Variants in CNBD1 observed in about 807,000 individuals in gnomAD.
CNBD1 encodes cyclic nucleotide-binding domain-containing protein 1.
Under a neutral mutation model 54.4 loss-of-function variants are expected in CNBD1, and 71 were observed. That is an observed-to-expected ratio of 1.30 (90% CI 1.08 to 1.59). CNBD1 has a LOEUF of 1.59. Ranked by LOEUF, CNBD1 falls within the 40% of genes most tolerant of loss-of-function variation. The probability of loss-of-function intolerance (pLI) is 0.00; values close to 1 mark genes in which losing one functional copy is unlikely to be tolerated. For synonymous variants in CNBD1, 182 were observed against 170.7 expected, an observed-to-expected ratio of 1.07 and a Z score of -0.51; for missense variants, 659 against 518.0, an observed-to-expected ratio of 1.27 and a Z score of -2.64.
chr8:86,930,368 G>A (rs1809436408), intron 3 of CNBD1, among the ~76,000 whole-genome samples: 1 of 152,150 alleles, frequency 6.6e-6, no homozygotes, highest in African/African-American at 2.4e-5. Context: ...TAGCCTGCTG[G>A]CAGGAGGCTT....
chr8:86,986,642 T>G (rs1808613905), intron 4 of CNBD1, among the ~76,000 whole-genome samples: 1 of 152,242 alleles, frequency 6.6e-6, no homozygotes, highest in African/African-American at 2.4e-5. Context: ...TTTTATAGTT[T>G]GAGGTATTAC....
intron 4 of CNBD1, among the ~76,000 whole-genome samples, chr8:87,133,464 G>T (rs1812162574): frequency 6.6e-6 from 1 of 152,160 alleles, no homozygotes; most frequent in Admixed American, 6.5e-5. Flanking sequence ...ATGTGTATCA[G>T]TCAGTTTGAG....
At chr8:87,341,903 A>G (rs1332338764) in intron 8 of CNBD1, among the ~76,000 whole-genome samples, 2 of 151,282 alleles carry the variant, frequency 1.3e-5, no homozygotes, top group Non-Finnish European at 2.9e-5. Context: ...TACGAAACAG[A>G]CTAAGAATCT....
At chr8:87,000,274 C>T (rs1007306366) in intron 4 of CNBD1, among the ~76,000 whole-genome samples, 4 of 152,216 alleles carry the variant, frequency 2.6e-5, no homozygotes, top group Admixed American at 6.5e-5. Flanking sequence ...TGTTCTTGTA[C>T]ACTCTCTGTA....
intron 5 of CNBD1, among the ~76,000 whole-genome samples, chr8:87,214,813 G>A (rs1025102588): frequency 1.3e-5 from 2 of 152,124 alleles, no homozygotes; most frequent in Admixed American, 6.5e-5. Context: ...GTCAGCTCTT[G>A]TGAGACTTAC....
chr8:87,296,081 A>G (rs1433989743), intron 8 of CNBD1, among the ~76,000 whole-genome samples: 1 of 152,112 alleles, frequency 6.6e-6, no homozygotes, highest in East Asian at 1.9e-4. Flanking sequence ...GACATTCTAT[A>G]ATAAGTACAT....
chr8:87,348,568 A>T (rs978586364), intron 8 of CNBD1, among the ~76,000 whole-genome samples: 1 of 152,186 alleles, frequency 6.6e-6, no homozygotes, highest in Non-Finnish European at 1.5e-5. Flanking sequence ...CATTCAGCTA[A>T]TGGATGTCGT....
At chr8:87,140,900 C>T (rs1412083875) in intron 4 of CNBD1, among the ~76,000 whole-genome samples, 1 of 152,132 alleles carries the variant, frequency 6.6e-6, no homozygotes, top group Non-Finnish European at 1.5e-5. Context: ...AGTCCCTTGT[C>T]TTTCCATCAT....
chr8:87,241,107 T>G (rs1215046292), intron 6 of CNBD1, among the ~76,000 whole-genome samples: 1 of 152,088 alleles, frequency 6.6e-6, no homozygotes, highest in East Asian at 1.9e-4. Flanking sequence ...ATGAAGCAGG[T>G]ATCTTTCAAT....
intron 8 of CNBD1, among the ~76,000 whole-genome samples, chr8:87,347,177 G>T (rs543336072): frequency 4.6e-5 from 7 of 152,154 alleles, no homozygotes; most frequent in South Asian, 2.1e-4. Context: ...AATGTTTTTT[G>T]ATAAATTCTG....
chr8:87,181,433 T>A (rs2130777729), intron 4 of CNBD1, among the ~76,000 whole-genome samples: 1 of 152,320 alleles, frequency 6.6e-6, no homozygotes, highest in Admixed American at 6.5e-5. Flanking sequence ...CTGCAAATTA[T>A]CTGTCTTCTT....
intron 10 of CNBD1, among the ~76,000 whole-genome samples, chr8:87,366,556 T>G (rs1199131962): frequency 6.6e-6 from 1 of 152,082 alleles, no homozygotes; most frequent in Non-Finnish European, 1.5e-5. Flanking sequence ...ACCTGCCTAT[T>G]TTAAGGTTAA....
chr8:87,386,384 G>C (rs1377922157), downstream of CNBD1, among the ~76,000 whole-genome samples: 3 of 151,970 alleles, frequency 2.0e-5, no homozygotes, highest in African/African-American at 4.8e-5. Context: ...TAGATGAATG[G>C]CTAACGAGAA....
chr8:86,975,857 G>C (rs766688299), intron 4 of CNBD1, among the ~76,000 whole-genome samples: 8 of 151,912 alleles, frequency 5.3e-5, no homozygotes, highest in Non-Finnish European at 7.4e-5. Context: ...AACGTACAAG[G>C]AGTTCTCTTT....
chr8:87,135,377 T>C (rs1246581585), intron 4 of CNBD1, among the ~76,000 whole-genome samples: 1 of 151,728 alleles, frequency 6.6e-6, no homozygotes, highest in Non-Finnish European at 1.5e-5. Context: ...TCTTCAAAAA[T>C]AAACCTCAAA....
At position 86,992,487 on chromosome 8, in the gene CNBD1, T is replaced by C. The variant is rs555803532; in HGVS notation, c.431+52733T>C. On this transcript the variant is annotated intron_variant, in intron 4 of 10. Transcript: ENST00000518476. ...TTTTCATTCAGAGTTAGTATTGATA[T>C]ACGAAATTTTGATCCTATCATCATG... 5.9e-5 allele frequency among the ~76,000 whole-genome samples: 9 copies of C among 152,250 alleles called. No individual in the cohort carries two copies. In the South Asian group the frequency reaches 1.9e-3, roughly 32 times the overall value.
chr8:87,060,258 G>T (rs1463257562), intron 4 of CNBD1, among the ~76,000 whole-genome samples: 2 of 152,040 alleles, frequency 1.3e-5, no homozygotes, highest in African/African-American at 4.8e-5. Context: ...ATAGGAACTG[G>T]GGCACAATAA....
intron 4 of CNBD1, among the ~76,000 whole-genome samples, chr8:87,002,475 C>G (rs1233792271): frequency 3.9e-5 from 6 of 152,162 alleles, no homozygotes; most frequent in Admixed American, 2.6e-4. Context: ...ACACGTAATA[C>G]TCTGGCAATA....
intron 4 of CNBD1, among the ~76,000 whole-genome samples, chr8:86,951,241 T>C (rs565744067): frequency 5.9e-5 from 9 of 152,204 alleles, no homozygotes; most frequent in Non-Finnish European, 1.2e-4. Context: ...CAGGTAAAAG[T>C]ACAGATAATG....
Sources: gnomAD v4.1 joint callset for allele counts (sites outside exome capture counted in the v4.1 genomes callset) on GRCh38, gnomAD v4.1.1 for gene constraint, MANE v1.5 for transcripts, NCBI Gene and HGNC (gene_info 2026-07-23, HGNC 2026-07-21) for gene names.